Variants in FGFR1 observed in about 807,000 individuals in gnomAD.
FGFR1 encodes fibroblast growth factor receptor 1.
Under a neutral mutation model 93.7 loss-of-function variants are expected in FGFR1, and 18 were observed. That is an observed-to-expected ratio of 0.19 (90% CI 0.13 to 0.28). The LOEUF (loss-of-function observed/expected upper bound fraction) is 0.28, where lower values mean the gene tolerates loss of function less well. Ranked by LOEUF, FGFR1 falls within the 10% of genes least tolerant of loss-of-function variation. The pLI is 1.00. For synonymous variants in FGFR1, 448 were observed against 429.3 expected, an observed-to-expected ratio of 1.04 and a Z score of -0.54; for missense variants, 731 against 1,080.4, an observed-to-expected ratio of 0.68 and a Z score of 4.53.
Position 38,414,663 on chromosome 8 carries a change from C to T in FGFR1, c.1978-34G>A, listed in dbSNP as rs950907705. ...AGCACAGGGGAGGTTGGAGTGGCCC[C>T]AGGCAGGGCCATGAGGGCACAGGTG... On this transcript the variant is annotated intron_variant, in intron 14 of 17. Transcript: ENST00000447712. 7 of 1,613,222 alleles carry T rather than the reference C, an allele frequency of 4.3e-6. No individual in the cohort carries two copies. In the African/African-American group the frequency reaches 9.3e-5, roughly 22 times the overall value.
intron 12 of FGFR1, among the ~76,000 whole-genome samples, chr8:38,417,095 CA>C (rs1816921915): frequency 6.6e-6 from 1 of 152,252 alleles, no homozygotes; most frequent in African/African-American, 2.4e-5. Context: ...CCTCTGTTAA[CA>C]CACCACGTGT....
intron 2 of FGFR1, among the ~76,000 whole-genome samples, chr8:38,438,285 T>C (rs1826107374): frequency 6.6e-6 from 1 of 152,190 alleles, no homozygotes; most frequent in South Asian, 2.1e-4. Context: ...CTAATGCCTG[T>C]AATCCTAGCA....
rs1308348764 is a variant in FGFR1, at chr8:38,426,494, G to A, written c.622-249C>T. Among the ~76,000 whole-genome samples the A allele has an allele frequency of 1.3e-5, 2 of 152,184 alleles. No individual in the cohort carries two copies. The highest frequency in any genetic ancestry group is 2.1e-4 in the South Asian group (1 of 4,830). ...TGACGTTCAAGATCATTCGTGATCC[G>A]GACAGATGTGCCTTCTGCAAACACT... is the stretch of plus-strand genomic sequence containing the variant. On this transcript the variant is annotated intron_variant, in intron 5 of 17. Coordinates refer to ENST00000447712, the MANE Select transcript of FGFR1 (RefSeq NM_023110.3). The surrounding 1 kb of genome is among the most constrained non-coding windows in gnomAD (Gnocchi z 4.1).
rs189250264 is a variant in FGFR1 at position 38,438,090 on chromosome 8, A to G, written c.92-8142T>C. 2.0e-3 allele frequency among the ~76,000 whole-genome samples: 311 copies of G among 152,328 alleles called. 1 individual carries two copies. Among genetic ancestry groups the G allele is most frequent in the Non-Finnish European group, 3.9e-3 (264 of 68,032 alleles). On this transcript the variant is annotated intron_variant, in intron 2 of 17. Transcript: ENST00000447712. ...TCACTATATCCCATAGGCTGCACAA[A>G]GCTTTTAACACAGACCCTCCCATTT...
At chr8:38,414,046 G>C (rs753654235) in intron 16 of FGFR1, 23 bp from the exon 17 acceptor site, 27 of 1,613,728 alleles carry the variant, frequency 1.7e-5, no homozygotes, top group Non-Finnish European at 2.1e-5. Flanking sequence ...TGTAAGGTCA[G>C]GGACGTCTCC....
intron 2 of FGFR1, among the ~76,000 whole-genome samples, chr8:38,454,137 T>C (rs1281456581): frequency 6.6e-6 from 1 of 152,104 alleles, no homozygotes; most frequent in East Asian, 1.9e-4. Context: ...TACTTTGTCC[T>C]CATCAAGATC....
At chr8:38,462,395 T>G (rs1298145374) in intron 1 of FGFR1, among the ~76,000 whole-genome samples, 1 of 151,536 alleles carries the variant, frequency 6.6e-6, no homozygotes, top group East Asian at 2.0e-4. Context: ...TCCCAGCTAC[T>G]CAGGAGGCTG....
rs1376140891 is a variant in FGFR1 at position 38,457,539 on chromosome 8, G to A, written c.-88-5C>T. Reference sequence around the variant, plus strand: ...ATCCTCCTTTTCAAACTGACCCTGAGGAAAGGAAAAAAACCCCAAAAGTTA... The same window carrying A: ...ATCCTCCTTTTCAAACTGACCCTGAAGAAAGGAAAAAAACCCCAAAAGTTA... On this transcript the variant is annotated splice_polypyrimidine_tract_variant and splice_region_variant and intron_variant, in intron 1 of 17. Coordinates refer to ENST00000447712, the MANE Select transcript of FGFR1 (RefSeq NM_023110.3). 5 of 1,576,718 alleles carry A rather than the reference G, an allele frequency of 3.2e-6. No individual in the cohort carries two copies. The highest frequency in any genetic ancestry group is 1.9e-5 in the Admixed American group (1 of 53,710).
intron 2 of FGFR1, among the ~76,000 whole-genome samples, chr8:38,444,556 A>ATTTTTTTTTTTT (rs562700623): frequency 3.9e-5 from 5 of 129,232 alleles, no homozygotes; most frequent in African/African-American, 5.8e-5. Flanking sequence ...GCGTGGCTAA[A>ATTTTTTTTTTTT]TTTTTTTTTT....
Position 38,429,988 on chromosome 8 carries a change from G to C in FGFR1, c.92-40C>G, listed in dbSNP as rs1239261588. On this transcript the variant is annotated intron_variant, in intron 2 of 17. Coordinates refer to ENST00000447712, the MANE Select transcript of FGFR1 (RefSeq NM_023110.3). The surrounding 1 kb of genome is among the most constrained non-coding windows in gnomAD (Gnocchi z 4.4). ...GGGCCGGGAAGGGAAGCCAAGGGGC[G>C]AGAGAGGAAGACAGGGAGAGGGGAG... 6.4e-7 allele frequency: 1 copy of C among 1,566,764 alleles called. No homozygotes were observed. Among genetic ancestry groups the C allele is most frequent in the African/African-American group, 1.4e-5 (1 of 73,984 alleles).
At chr8:38,432,504 C>T (rs931711456) in intron 2 of FGFR1, among the ~76,000 whole-genome samples, 1 of 151,694 alleles carries the variant, frequency 6.6e-6, no homozygotes, top group Non-Finnish European at 1.5e-5. Context: ...CCTCTGCCTC[C>T]CGGGTTCAAG....
rs533313038 is a variant in FGFR1 at position 38,447,692 on chromosome 8, G to A, written c.91+9664C>T. Among the ~76,000 whole-genome samples, 23 of 152,252 alleles carry A rather than the reference G, an allele frequency of 1.5e-4. No individual in the cohort carries two copies. The South Asian group carries it at 2.1e-3, about 14-fold the overall frequency. On this transcript the variant is annotated intron_variant, in intron 2 of 17. Transcript: ENST00000447712. ...AGAAGGGTTTTGCCATGTTACCAAG[G>A]CTGGTCTCAAACTCCTGACCTTAAG...
intron 2 of FGFR1, among the ~76,000 whole-genome samples, chr8:38,438,744 TCA>T (rs1385451252): frequency 2.0e-5 from 3 of 152,040 alleles, no homozygotes; most frequent in South Asian, 2.1e-4. Flanking sequence ...GCCTCAATCT[TCA>T]CAGTGTCTTG....
chr8:38,422,816 AAC>A, intron 7 of FGFR1: 1 of 562,772 alleles, frequency 1.8e-6, no homozygotes, highest in South Asian at 2.3e-5. Context: ...AAAGCCAAGG[AAC>A]ACACAGAAGG....
At chr8:38,453,946 C>T (rs1831917641) in intron 2 of FGFR1, among the ~76,000 whole-genome samples, 1 of 152,144 alleles carries the variant, frequency 6.6e-6, no homozygotes, top group Non-Finnish European at 1.5e-5. Flanking sequence ...AACTCCTGGG[C>T]TCAAGTGATC....
At chr8:38,421,107 C>A (rs72630638) in intron 8 of FGFR1, among the ~76,000 whole-genome samples, 6 of 152,312 alleles carry the variant, frequency 3.9e-5, no homozygotes, top group Non-Finnish European at 7.4e-5. Flanking sequence ...CGAGAGACAG[C>A]AGCAAGCCCT....
intron 1 of FGFR1, among the ~76,000 whole-genome samples, chr8:38,459,544 T>G (rs1460941346): frequency 6.6e-6 from 1 of 152,242 alleles, no homozygotes; most frequent in Non-Finnish European, 1.5e-5. Context: ...ACACCCACTA[T>G]GTACCAAGGA....
In FGFR1 at chr8:38,445,906, G is replaced by A. The variant is rs544230857; in HGVS notation, c.91+11450C>T. The stretch of plus-strand genomic sequence containing the variant: ...CTAACTTCATTCAGTAGTTAGTAAA[G>A]GAAACTGACTCTTCTAAGGTTCAAA... On this transcript the variant is annotated intron_variant, in intron 2 of 17. Coordinates refer to ENST00000447712, the MANE Select transcript of FGFR1 (RefSeq NM_023110.3). Among the ~76,000 whole-genome samples, 5 of 152,106 alleles carry A rather than the reference G, an allele frequency of 3.3e-5. No homozygotes were observed. In the South Asian group the frequency reaches 1.0e-3, roughly 32 times the overall value.
At chr8:38,440,318 G>T in intron 2 of FGFR1, 1 of 1,605,052 alleles carries the variant, frequency 6.2e-7, no homozygotes. Flanking sequence ...TCGGCTGGCA[G>T]GACCCGGCCA....
Sources: allele counts gnomAD v4.1 joint callset (sites outside exome capture counted in the v4.1 genomes callset), GRCh38; gene constraint gnomAD v4.1.1; non-coding constraint Gnocchi (gnomAD v3.1); transcripts MANE v1.5; gene names NCBI Gene and HGNC (gene_info 2026-07-23, HGNC 2026-07-21).